PTPRD: variants seen among roughly 807,000 people sequenced by gnomAD.
PTPRD encodes receptor-type tyrosine-protein phosphatase delta.
A neutral mutation model predicts 214.5 loss-of-function variants in PTPRD; 34 were observed. That is an observed-to-expected ratio of 0.16 (90% CI 0.12 to 0.21). The LOEUF is 0.21. PTPRD is among the 10% of genes least tolerant of loss of function. The pLI is 1.00. For synonymous variants in PTPRD, 1,128 were observed against 845.7 expected (o/e 1.33, Z -5.79); for missense variants, 2,545 against 2,398.7 (o/e 1.06, Z -1.27).
At chr9:9,751,844 C>G (rs566762393) in intron 6 of PTPRD, among the ~76,000 whole-genome samples, 1 of 152,132 alleles carries the variant, frequency 6.6e-6, no homozygotes, top group African/African-American at 2.4e-5. Flanking sequence ...GCTCAGAAAA[C>G]TGACACACTA....
intron 13 of PTPRD, among the ~76,000 whole-genome samples, chr9:8,634,643 C>T (rs1176586247): frequency 6.6e-6 from 1 of 151,970 alleles, no homozygotes; most frequent in Non-Finnish European, 1.5e-5. Context: ...ATCTACTATG[C>T]ATCTTAGGAA....
chr9:8,808,710 G>C (rs540766580), intron 11 of PTPRD, among the ~76,000 whole-genome samples: 1 of 152,046 alleles, frequency 6.6e-6, no homozygotes, highest in South Asian at 2.1e-4. Context: ...AACATGAAAT[G>C]TATATATGTT....
intron 12 of PTPRD, among the ~76,000 whole-genome samples, chr9:8,714,587 G>A (rs2154409002): frequency 6.6e-6 from 1 of 152,158 alleles, no homozygotes; most frequent in East Asian, 1.9e-4. Flanking sequence ...CATTCCCCTT[G>A]CTATTCCTAG....
At chr9:9,659,613 T>C (rs2096584823) in intron 7 of PTPRD, among the ~76,000 whole-genome samples, 1 of 151,924 alleles carries the variant, frequency 6.6e-6, no homozygotes, top group Non-Finnish European at 1.5e-5. Context: ...CAAAATACCC[T>C]GAAAAAAAGC....
intron 8 of PTPRD, among the ~76,000 whole-genome samples, chr9:9,454,489 A>C (rs919012786): frequency 5.9e-5 from 9 of 151,794 alleles, no homozygotes; most frequent in African/African-American, 2.2e-4. Flanking sequence ...TCACAATTAA[A>C]CTCTAGTACA....
intron 25 of PTPRD, 90 bp from the exon 26 acceptor site, chr9:8,497,358 TA>T (rs991035277): frequency 5.4e-6 from 6 of 1,118,058 alleles, no homozygotes; most frequent in South Asian, 1.7e-5. Context: ...CTTGTTAGAT[TA>T]AAAAAATCAA....
At position 8,435,853 on chromosome 9, in the gene PTPRD, C is replaced by G. The variant is rs144510615; in HGVS notation, c.4086+739G>C. ...ACCATTCCTTCAAAAACAAGCAACTCTCTGAAAATACATTTCTATCTTAAT... is the reference window on the plus strand; with the variant it reads ...ACCATTCCTTCAAAAACAAGCAACTGTCTGAAAATACATTTCTATCTTAAT... On this transcript the variant is annotated intron_variant, in intron 35 of 45. Coordinates refer to ENST00000381196, the MANE Select transcript of PTPRD (RefSeq NM_002839.4). Among the ~76,000 whole-genome samples the G allele has an allele frequency of 4.7e-4, 72 of 152,252 alleles. 1 individual carries two copies. The East Asian group carries it at 0.012, about 25-fold the overall frequency.
chr9:9,441,334 T>A (rs573255070), intron 8 of PTPRD, among the ~76,000 whole-genome samples: 24 of 152,114 alleles, frequency 1.6e-4, no homozygotes, highest in Non-Finnish European at 2.8e-4. Context: ...AAATTAAGTT[T>A]GAACTAGAAA....
intron 8 of PTPRD, among the ~76,000 whole-genome samples, chr9:9,412,631 C>A (rs2075821123): frequency 6.6e-6 from 1 of 152,190 alleles, no homozygotes; most frequent in Non-Finnish European, 1.5e-5. Context: ...CCAACTCCAA[C>A]TTTCATCCCA....
chr9:8,971,799 T>C (rs758745010), intron 11 of PTPRD, among the ~76,000 whole-genome samples: 2 of 151,530 alleles, frequency 1.3e-5, no homozygotes, highest in Non-Finnish European at 3.0e-5. Context: ...ATCTGAAAAG[T>C]AACTACTATT....
At chr9:9,340,516 T>A (rs1569567515) in intron 9 of PTPRD, among the ~76,000 whole-genome samples, 1 of 152,326 alleles carries the variant, frequency 6.6e-6, no homozygotes, top group African/African-American at 2.4e-5. Context: ...AAATCCATTA[T>A]CCAAAGTTGT....
chr9:9,103,418 T>C (rs552894057), intron 10 of PTPRD, among the ~76,000 whole-genome samples: 3 of 152,160 alleles, frequency 2.0e-5, no homozygotes, highest in Admixed American at 1.3e-4. Context: ...GAAAAAATTT[T>C]CGTAAGTAAT....
intron 4 of PTPRD, among the ~76,000 whole-genome samples, chr9:10,010,167 T>C (rs1221307354): frequency 6.6e-6 from 1 of 151,884 alleles, no homozygotes; most frequent in Non-Finnish European, 1.5e-5. Context: ...TTAACTCACT[T>C]GTCCATGTTC....
intron 43 of PTPRD, 115 bp from the exon 44 acceptor site, chr9:8,331,851 A>AAGTT (rs1019293481): frequency 3.9e-5 from 50 of 1,275,948 alleles, no homozygotes; most frequent in Admixed American, 3.6e-4. Context: ...AGGGTAGAAA[A>AAGTT]AGTTAGGAAC....
chr9:8,912,573 T>C (rs1180975166), intron 11 of PTPRD, among the ~76,000 whole-genome samples: 4 of 152,108 alleles, frequency 2.6e-5, no homozygotes, highest in East Asian at 1.9e-4. Flanking sequence ...ATTGTGGTAA[T>C]AGATACAAAA....
rs1219078024 is a variant in PTPRD at position 9,531,772 on chromosome 9, GAGC to G, written c.-237+42957_-237+42959del. Among the ~76,000 whole-genome samples the G allele has an allele frequency of 4.6e-5, 7 of 152,158 alleles. No individual in the cohort carries two copies. In the East Asian group the frequency reaches 1.4e-3, roughly 29 times the overall value. ...GAACACCTATTTTTAATTCTCTTGG[GAGC>G]AGGATTGCTGGGTGATATAATTCTA... On this transcript the variant is annotated intron_variant, in intron 8 of 45. Coordinates refer to ENST00000381196, the MANE Select transcript of PTPRD (RefSeq NM_002839.4).
intron 12 of PTPRD, among the ~76,000 whole-genome samples, chr9:8,726,159 C>T (rs977376760): frequency 6.6e-5 from 10 of 152,002 alleles, no homozygotes; most frequent in African/African-American, 2.2e-4. Flanking sequence ...ATGGTATCTC[C>T]ATCCAATCAC....
At chr9:8,907,080 C>G (rs917926918) in intron 11 of PTPRD, among the ~76,000 whole-genome samples, 2 of 152,024 alleles carry the variant, frequency 1.3e-5, no homozygotes, top group African/African-American at 4.8e-5. Flanking sequence ...CATCATCAGG[C>G]ATGCTAGCAA....
intron 11 of PTPRD, among the ~76,000 whole-genome samples, chr9:8,940,280 C>CTTTTTTTTTTTTTT (rs34342718): frequency 0.017 from 1,547 of 88,836 alleles, 219 homozygotes; most frequent in Non-Finnish European, 0.024. Context: ...TCTCTCTCTC[C>CTTTTTTTTTTTTTT]TTTTTTTTTT....
Sources: gnomAD v4.1 joint callset for allele counts (sites outside exome capture counted in the v4.1 genomes callset) on GRCh38, gnomAD v4.1.1 for gene constraint, MANE v1.5 for transcripts, NCBI Gene and HGNC (gene_info 2026-07-23, HGNC 2026-07-21) for gene names.